Variants in RRP1B observed in about 807,000 individuals in gnomAD.
RRP1B encodes the protein ribosomal RNA processing protein 1 homolog B.
In RRP1B, 56 loss-of-function variants were observed where a neutral mutation model predicts 80.2. The observed-to-expected ratio is 0.70, with a 90% CI of 0.56 to 0.87. The LOEUF is 0.87. RRP1B is among the 40% of genes least tolerant of loss of function. The pLI is 0.00. For missense variants in RRP1B, 807 were observed against 939.8 expected, an observed-to-expected ratio of 0.86 and a Z score of 1.85; for synonymous variants, 351 against 357.6, an observed-to-expected ratio of 0.98 and a Z score of 0.21.
intron 3 of RRP1B, 71 bp from the exon 4 acceptor site, chr21:43,673,799 C>T (rs2083009752): frequency 3.3e-6 from 3 of 918,130 alleles, no homozygotes; most frequent in South Asian, 1.5e-5. Context: ...TGTTCCTCTT[C>T]ATTATTTTCT....
Position 43,691,573 on chromosome 21 carries a change from G to A in RRP1B, c.2083+71G>A. On this transcript the variant is annotated intron_variant, in intron 15 of 15. Coordinates refer to ENST00000340648, the MANE Select transcript of RRP1B (RefSeq NM_015056.3). This position sits in a 1 kb window ranked among gnomAD's most constrained non-coding sequence, Gnocchi z 4.2. ...CAGCTCCTGGCGCGGCTCGCAGCCT[G>A]GTTCCACAAGGCGGTCGGGGAAGAG... 3 of 1,356,280 alleles carry A rather than the reference G, an allele frequency of 2.2e-6. No homozygotes were observed. The highest frequency in any genetic ancestry group is 3.2e-6 in the Non-Finnish European group (3 of 947,576). 84.0% of individuals were successfully genotyped at this position (1,356,280 alleles called of 1,614,324 possible). A position where few individuals can be genotyped will look rare whatever the true frequency, so the allele number is the denominator to read the frequency against.
chr21:43,676,659 C>T (rs905194828), intron 7 of RRP1B, 74 bp from the exon 8 acceptor site: 2 of 1,370,422 alleles, frequency 1.5e-6, no homozygotes, highest in South Asian at 1.3e-5. Flanking sequence ...CAGGGCTTCC[C>T]TCTGTGCCCC....
chr21:43,664,882 C>T (rs2082972449), intron 1 of RRP1B, among the ~76,000 whole-genome samples: 1 of 152,306 alleles, frequency 6.6e-6, no homozygotes, highest in Admixed American at 6.5e-5. Flanking sequence ...CTTATTCAGT[C>T]TCACGAGAAC....
At chr21:43,668,512 C>T (rs183475119) in intron 1 of RRP1B, among the ~76,000 whole-genome samples, 49 of 151,908 alleles carry the variant, frequency 3.2e-4, no homozygotes, top group East Asian at 1.8e-3. Context: ...GGACTATAGG[C>T]GCCCGCCACC....
At position 43,691,566 on chromosome 21, in the gene RRP1B, G is replaced by A. The variant is rs756917960; in HGVS notation, c.2083+64G>A. 34 of 1,462,018 alleles carry A rather than the reference G, an allele frequency of 2.3e-5. No homozygotes were observed. The African/African-American group carries it at 2.8e-4, about 12-fold the overall frequency. The allele number at this position is 1,462,018 out of a possible 1,614,324, so 90.6% of individuals were successfully genotyped here. On this transcript the variant is annotated intron_variant, in intron 15 of 15. Transcript: ENST00000340648. The surrounding 1 kb of genome is among the most constrained non-coding windows in gnomAD (Gnocchi z 4.2). ...ACAGCTGCAGCTCCTGGCGCGGCTC[G>A]CAGCCTGGTTCCACAAGGCGGTCGG...
intron 1 of RRP1B, among the ~76,000 whole-genome samples, chr21:43,665,994 G>A (rs2082976834): frequency 6.6e-6 from 1 of 152,174 alleles, no homozygotes; most frequent in African/African-American, 2.4e-5. Context: ...TACTGCATGG[G>A]GTCAGGCTCA....
At chr21:43,672,949 G>A (rs2083005640) in intron 3 of RRP1B, among the ~76,000 whole-genome samples, 1 of 152,138 alleles carries the variant, frequency 6.6e-6, no homozygotes, top group Admixed American at 6.5e-5. Context: ...TACATATGAT[G>A]TATAATAGAT....
chr21:43,660,633 T>C (rs906607058), intron 1 of RRP1B, among the ~76,000 whole-genome samples: 9 of 152,222 alleles, frequency 5.9e-5, no homozygotes, highest in African/African-American at 1.9e-4. Context: ...GTTGCTCTTC[T>C]TGATAGGCTG....
intron 8 of RRP1B, among the ~76,000 whole-genome samples, chr21:43,682,968 GTTCAAGCGA>G (rs1392342189): frequency 6.6e-6 from 1 of 152,134 alleles, no homozygotes; most frequent in Non-Finnish European, 1.5e-5. Context: ...TGCCTCCTGG[GTTCAAGCGA>G]TTCTCATGCC....
chr21:43,675,163 G>C lies in RRP1B; in HGVS notation c.549G>C (p.Glu183Asp). ...LDELSKVGGK[E>D]LLADQNLKFI... ...AACTCTCCAAAGTCGGGGGGAAGGAGGTAAGCAGCTGCCGACAGGCTGCCC... is the reference window on the plus strand; with the variant it reads ...AACTCTCCAAAGTCGGGGGGAAGGACGTAAGCAGCTGCCGACAGGCTGCCC... The change falls in exon 6 of 16, where the codon GAG becomes GAC. Residue 183 changes from glutamate (E) to aspartate (D), a missense_variant and splice_region_variant. By Grantham distance (45) the Glu-to-Asp change is conservative. Transcript: ENST00000340648. The C allele has an allele frequency of 2.5e-6, 4 of 1,613,678 alleles. No individual in the cohort carries two copies. The highest frequency in any genetic ancestry group is 3.4e-6 in the Non-Finnish European group (4 of 1,179,944).
chr21:43,676,633 AC>A, intron 7 of RRP1B, 99 bp from the exon 8 acceptor site: 1 of 1,157,520 alleles, frequency 8.6e-7, no homozygotes. Flanking sequence ...GCCACTCCAG[AC>A]CACAGCAACG....
At chr21:43,662,863 T>C (rs2082963328) in intron 1 of RRP1B, among the ~76,000 whole-genome samples, 1 of 152,238 alleles carries the variant, frequency 6.6e-6, no homozygotes, top group Admixed American at 6.5e-5. Context: ...CATCCCTGCC[T>C]ATCTTATCAG....
intron 3 of RRP1B, among the ~76,000 whole-genome samples, chr21:43,672,795 G>A (rs563956773): frequency 1.3e-5 from 2 of 152,284 alleles, no homozygotes; most frequent in Non-Finnish European, 2.9e-5. Flanking sequence ...GTGCTTCTGT[G>A]TCAGGCGTTG....
In RRP1B at chr21:43,693,120, G is replaced by A. The variant is rs926577768; in HGVS notation, c.2084-70G>A. 69 of 1,531,294 alleles carry A rather than the reference G, an allele frequency of 4.5e-5. 2 individuals are homozygous for A. Among genetic ancestry groups the A allele is most frequent in the South Asian group, 3.7e-4 (32 of 86,402 alleles). The allele number at this position is 1,531,294 out of a possible 1,614,324, so 94.9% of individuals were successfully genotyped here. On this transcript the variant is annotated intron_variant, in intron 15 of 15. Transcript: ENST00000340648. The surrounding 1 kb of genome is among the most constrained non-coding windows in gnomAD (Gnocchi z 4.1). ...GGTGGGGTCGGCACCCAGGCAGGAC[G>A]CTGTCTAAGGTGTTGAAGGGACAGC...
At chr21:43,676,159 G>T (rs2083021658) in intron 6 of RRP1B, 113 bp from the exon 7 acceptor site, 3 of 731,128 alleles carry the variant, frequency 4.1e-6, no homozygotes, top group East Asian at 2.7e-5. Flanking sequence ...GTGTGAGACA[G>T]GCATTGCTTG....
At chr21:43,671,182 G>A (rs548862966) in intron 2 of RRP1B, among the ~76,000 whole-genome samples, 3 of 152,086 alleles carry the variant, frequency 2.0e-5, no homozygotes, top group Admixed American at 2.0e-4. Context: ...CTCTCTCAGG[G>A]ACCCCTTCAC....
At chr21:43,692,899 C>T (rs1332807196) in intron 15 of RRP1B, among the ~76,000 whole-genome samples, 1 of 152,136 alleles carries the variant, frequency 6.6e-6, no homozygotes, top group East Asian at 1.9e-4. Flanking sequence ...CCAAAACACC[C>T]CCACCCCCAA....
chr21:43,660,670 A>C (rs2082950246), intron 1 of RRP1B, among the ~76,000 whole-genome samples: 1 of 152,244 alleles, frequency 6.6e-6, no homozygotes, highest in Non-Finnish European at 1.5e-5. Context: ...CTGGGCTGAT[A>C]ATCAGCTCAG....
intron 14 of RRP1B, 91 bp downstream of exon 14, chr21:43,690,531 G>A (rs1397965203): frequency 6.9e-7 from 1 of 1,442,280 alleles, no homozygotes; most frequent in Non-Finnish European, 9.5e-7. Flanking sequence ...CGGGCCTGGA[G>A]CCCCACTGTG....
Sources: gnomAD v4.1 joint callset for allele counts (sites outside exome capture counted in the v4.1 genomes callset) on GRCh38, gnomAD v4.1.1 for gene constraint, Gnocchi (gnomAD v3.1) non-coding constraint, MANE v1.5 for transcripts, NCBI Gene and HGNC (gene_info 2026-07-23, HGNC 2026-07-21) for gene names.